TMPRSS3: variants seen among roughly 807,000 people sequenced by gnomAD.
The protein encoded by TMPRSS3 is transmembrane serine protease 3, also known as transmembrane protease serine 3.
Under a neutral mutation model 59.6 loss-of-function variants are expected in TMPRSS3, and 55 were observed. The ratio of observed to expected loss-of-function variants is 0.92; its 90% confidence interval spans 0.74 to 1.16. The LOEUF is 1.16. Among genes scored for constraint, TMPRSS3 ranks in the 50% most tolerant of loss-of-function variants. TMPRSS3 has a pLI of 0.00. For missense variants in TMPRSS3, 596 were observed against 579.4 expected (o/e 1.03, Z -0.29); for synonymous variants, 257 against 237.7 (o/e 1.08, Z -0.75).
intron 12 of TMPRSS3, among the ~76,000 whole-genome samples, chr21:42,373,914 G>A (rs998764340): frequency 2.0e-5 from 3 of 152,156 alleles, no homozygotes; most frequent in African/African-American, 7.2e-5. Flanking sequence ...ACGGCGGTGG[G>A]CTTCTCTGCC....
chr21:42,389,784 C>T, intron 3 of TMPRSS3, 143 bp downstream of exon 3: 2 of 712,786 alleles, frequency 2.8e-6, no homozygotes, highest in South Asian at 3.2e-5. Flanking sequence ...AATAAAACTT[C>T]AAGTCAGCAA....
chr21:42,384,980 G>T (rs555010964), intron 6 of TMPRSS3, among the ~76,000 whole-genome samples: 1 of 135,286 alleles, frequency 7.4e-6, no homozygotes, highest in African/African-American at 2.9e-5. Flanking sequence ...CGTAAACAAA[G>T]AAGGATAAAT....
intron 12 of TMPRSS3, among the ~76,000 whole-genome samples, chr21:42,375,438 C>T (rs941770750): frequency 3.3e-5 from 5 of 151,656 alleles, no homozygotes; most frequent in Admixed American, 3.3e-4. Context: ...GGCTCCTCCT[C>T]GCTGCCTCCT....
chr21:42,390,071 C>A (rs776149590), intron 2 of TMPRSS3, 34 bp from the exon 3 acceptor site: 1 of 1,496,510 alleles, frequency 6.7e-7, no homozygotes, highest in Non-Finnish European at 9.3e-7. Context: ...CAGAAAGCCA[C>A]AGAACCTGAC....
intron 6 of TMPRSS3, among the ~76,000 whole-genome samples, chr21:42,384,843 C>A (rs1046096326): frequency 2.0e-5 from 3 of 152,136 alleles, no homozygotes. Context: ...ACCGTCTAAC[C>A]TGGGGCAAGG....
At chr21:42,375,386 C>T (rs1333212932) in intron 12 of TMPRSS3, among the ~76,000 whole-genome samples, 3 of 151,560 alleles carry the variant, frequency 2.0e-5, no homozygotes, top group Non-Finnish European at 4.4e-5. Flanking sequence ...CTCCCTGCTC[C>T]TGGCACACGG....
intron 12 of TMPRSS3, among the ~76,000 whole-genome samples, chr21:42,373,913 G>T (rs1017711590): frequency 3.9e-5 from 6 of 152,152 alleles, no homozygotes; most frequent in Non-Finnish European, 7.3e-5. Flanking sequence ...CACGGCGGTG[G>T]GCTTCTCTGC....
At chr21:42,374,666 G>A (rs28653693) in intron 12 of TMPRSS3, among the ~76,000 whole-genome samples, 10,174 of 152,038 alleles carry the variant, frequency 0.067, 436 homozygotes, top group African/African-American at 0.13. Flanking sequence ...CAAAGGTGGT[G>A]TCTGCACAGC....
intron 9 of TMPRSS3, among the ~76,000 whole-genome samples, chr21:42,380,641 C>T (rs77689706): frequency 1.4e-3 from 210 of 152,322 alleles, no homozygotes; most frequent in African/African-American, 4.6e-3. Context: ...CTCAGGCCAA[C>T]GCGTGCCCAC....
intron 10 of TMPRSS3, among the ~76,000 whole-genome samples, chr21:42,377,299 G>C (rs527460755): frequency 6.6e-6 from 1 of 152,346 alleles, no homozygotes; most frequent in African/African-American, 2.4e-5. Context: ...TGTGACGACA[G>C]AGCAGGGACC....
chr21:42,375,231 A>AC (rs1276934216), intron 12 of TMPRSS3, among the ~76,000 whole-genome samples: 25 of 18,348 alleles, frequency 1.4e-3, no homozygotes, highest in South Asian at 2.3e-3. Flanking sequence ...GGGACCCCCC[A>AC]CCCCCCCACA....
rs771382668 is a variant in TMPRSS3 at position 42,389,902 on chromosome 21, C to T, written c.205+25G>A. 7.1e-6 allele frequency: 11 copies of T among 1,543,454 alleles called. No individual in the cohort carries two copies. In the East Asian group the frequency reaches 2.2e-4, roughly 31 times the overall value. ...ACTACTTGGCTAGGTATTTGAGATCCTACTAAATAATGAATTGTACTCACT... is the reference window on the plus strand; with the variant it reads ...ACTACTTGGCTAGGTATTTGAGATCTTACTAAATAATGAATTGTACTCACT... On this transcript the variant is annotated intron_variant, in intron 3 of 12. Transcript: ENST00000644384.
rs2052431636 is a variant in TMPRSS3 at position 42,376,538 on chromosome 21, T to C, written c.1191+3A>G. The C allele has an allele frequency of 2.5e-6, 4 of 1,612,976 alleles. No homozygotes were observed. The highest frequency in any genetic ancestry group is 3.4e-6 in the Non-Finnish European group (4 of 1,179,856). On this transcript the variant is annotated splice_donor_region_variant and intron_variant, in intron 11 of 12. Coordinates refer to ENST00000644384, the MANE Select transcript of TMPRSS3 (RefSeq NM_001256317.3). ...GGCCTCGCCCACCGCTGCGGCCCCG[T>C]ACCTGGCAGCTGTCCACGCCACCCG...
rs1188104865 is a variant in TMPRSS3 at position 42,372,477 on chromosome 21, T to C, written c.*285A>G. 1 of 590,926 alleles carries C rather than the reference T, an allele frequency of 1.7e-6. No homozygotes were observed. The highest frequency in any genetic ancestry group is 3.2e-6 in the Non-Finnish European group (1 of 316,446). 36.6% of individuals were successfully genotyped at this position (590,926 alleles called of 1,614,324 possible). ...GGGGAAGCTGAGGCAAGAGAATCGCTTGAACCAGGGAAGCGGAGGCTGCAG... is the reference window on the plus strand; with the variant it reads ...GGGGAAGCTGAGGCAAGAGAATCGCCTGAACCAGGGAAGCGGAGGCTGCAG... On this transcript the variant is annotated 3_prime_UTR_variant, in exon 13 of 13. Coordinates refer to ENST00000644384, the MANE Select transcript of TMPRSS3 (RefSeq NM_001256317.3).
At chr21:42,378,786 C>T (rs1406447154) in intron 10 of TMPRSS3, among the ~76,000 whole-genome samples, 4 of 152,284 alleles carry the variant, frequency 2.6e-5, no homozygotes, top group Admixed American at 1.3e-4. Context: ...GGCATGATCA[C>T]GGCTCACTGC....
At chr21:42,376,842 C>T (rs769934547) in intron 10 of TMPRSS3, among the ~76,000 whole-genome samples, 159 bp from the exon 11 acceptor site, 2 of 152,152 alleles carry the variant, frequency 1.3e-5, no homozygotes, top group Non-Finnish European at 2.9e-5. Flanking sequence ...GCGGGTGGGA[C>T]GAGCAGACTC....
intron 9 of TMPRSS3, 139 bp downstream of exon 9, chr21:42,381,926 C>T (rs2052536231): frequency 7.1e-6 from 8 of 1,122,624 alleles, no homozygotes; most frequent in Non-Finnish European, 1.1e-5. Context: ...ATGCCAACAC[C>T]AACATGAATC....
chr21:42,391,465 A>T lies in TMPRSS3; in HGVS notation c.95-1428T>A, dbSNP rs533784408. ...GCAAACAGCCTTGGAAGATACAGAT[A>T]GCGTCTCCCTCCAGAGCAAGAGGCA... On this transcript the variant is annotated intron_variant, in intron 2 of 12. Transcript: ENST00000644384. Among the ~76,000 whole-genome samples the T allele has an allele frequency of 8.5e-5, 13 of 152,344 alleles. No homozygotes were observed. In the South Asian group the frequency reaches 2.5e-3, roughly 29 times the overall value.
intron 9 of TMPRSS3, 175 bp downstream of exon 9, chr21:42,381,890 T>C (rs2052535691): frequency 1.2e-6 from 1 of 845,760 alleles, no homozygotes; most frequent in Non-Finnish European, 2.0e-6. Flanking sequence ...AGCATCACAA[T>C]TTTAATGAGA....
Sources: gnomAD v4.1 joint callset for allele counts (sites outside exome capture counted in the v4.1 genomes callset) on GRCh38, gnomAD v4.1.1 for gene constraint, MANE v1.5 for transcripts, NCBI Gene and HGNC (gene_info 2026-07-23, HGNC 2026-07-21) for gene names.